PACS1: variants seen among roughly 807,000 people sequenced by gnomAD.
The protein encoded by PACS1 is PACS-1.
PACS1 carries 24 observed loss-of-function variants against 115.0 expected under a neutral mutation model. The ratio of observed to expected loss-of-function variants is 0.21; its 90% CI spans 0.15 to 0.29. PACS1 has a LOEUF of 0.29. Among genes scored for constraint, PACS1 ranks in the 10% least tolerant of loss-of-function variants. The pLI is 1.00. For synonymous variants in PACS1, 453 were observed against 504.5 expected, an observed-to-expected ratio of 0.90 and a Z score of 1.37; for missense variants, 838 against 1,251.2, an observed-to-expected ratio of 0.67 and a Z score of 4.98.
chr11:66,106,557 A>C (rs984555895), intron 1 of PACS1, among the ~76,000 whole-genome samples: 4 of 151,432 alleles, frequency 2.6e-5, no homozygotes, highest in Non-Finnish European at 5.9e-5. Context: ...ACAGAATGAG[A>C]CTCCATCTCA....
At chr11:66,108,387 A>C (rs1329815797) in intron 1 of PACS1, among the ~76,000 whole-genome samples, 1 of 152,086 alleles carries the variant, frequency 6.6e-6, no homozygotes. Flanking sequence ...TCCTTAGGGC[A>C]CTATCTCCAA....
At chr11:66,167,826 A>C (rs1859643221) in intron 1 of PACS1, among the ~76,000 whole-genome samples, 1 of 149,538 alleles carries the variant, frequency 6.7e-6, no homozygotes, top group South Asian at 2.1e-4. Context: ...ATTTCTGGGC[A>C]CTCTATTCTG....
intron 1 of PACS1, among the ~76,000 whole-genome samples, chr11:66,155,826 G>T (rs1172654490): frequency 6.6e-6 from 1 of 152,104 alleles, no homozygotes; most frequent in Non-Finnish European, 1.5e-5. Flanking sequence ...CAATCCGGGG[G>T]CTCATCAGGT....
intron 1 of PACS1, among the ~76,000 whole-genome samples, chr11:66,161,129 T>A (rs1398163504): frequency 2.0e-5 from 3 of 152,206 alleles, no homozygotes; most frequent in Non-Finnish European, 4.4e-5. Context: ...GTTGTTGTTA[T>A]TCTGTGTGTA....
intron 1 of PACS1, among the ~76,000 whole-genome samples, chr11:66,089,231 A>G (rs1342538460): frequency 3.9e-5 from 6 of 152,126 alleles, no homozygotes; most frequent in Non-Finnish European, 8.8e-5. Flanking sequence ...TGAATTCTCA[A>G]TCATTGTGAC....
intron 1 of PACS1, among the ~76,000 whole-genome samples, chr11:66,134,756 G>A (rs1194084985): frequency 2.0e-5 from 3 of 152,010 alleles, no homozygotes; most frequent in Non-Finnish European, 2.9e-5. Context: ...TGGTCACGGT[G>A]TCATCTTTTT....
chr11:66,079,567 A>G (rs1243352535), intron 1 of PACS1, among the ~76,000 whole-genome samples: 1 of 152,102 alleles, frequency 6.6e-6, no homozygotes, highest in Non-Finnish European at 1.5e-5. Flanking sequence ...AGTCCTTCCC[A>G]GAAAGTAACC....
chr11:66,230,462 G>A (rs2134734927), intron 11 of PACS1, 86 bp from the exon 12 acceptor site: 1 of 856,890 alleles, frequency 1.2e-6, no homozygotes, highest in Non-Finnish European at 2.0e-6. Flanking sequence ...CTTCAGGATG[G>A]TGATGGGGCC....
intron 11 of PACS1, among the ~76,000 whole-genome samples, chr11:66,228,557 A>G (rs781393937): frequency 6.6e-6 from 1 of 152,176 alleles, no homozygotes; most frequent in African/African-American, 2.4e-5. Flanking sequence ...TCAAAATTAA[A>G]TTCCAATTGT....
intron 1 of PACS1, among the ~76,000 whole-genome samples, chr11:66,101,823 G>A (rs753587843): frequency 2.6e-5 from 4 of 152,302 alleles, no homozygotes; most frequent in African/African-American, 9.6e-5. Context: ...GACGGTTACT[G>A]GGGGGAGAGC....
At chr11:66,134,549 G>A (rs1230626027) in intron 1 of PACS1, among the ~76,000 whole-genome samples, 1 of 146,602 alleles carries the variant, frequency 6.8e-6, no homozygotes. Context: ...AGATGGGTTT[G>A]TGTTTGTTTT....
At chr11:66,212,461 A>T (rs1221861205) in intron 4 of PACS1, among the ~76,000 whole-genome samples, 10 of 143,394 alleles carry the variant, frequency 7.0e-5, no homozygotes, top group Middle Eastern at 3.6e-3. Context: ...TTTAGAGACG[A>T]GGTCTTGCTC....
chr11:66,105,151 C>T (rs1214356033), intron 1 of PACS1, among the ~76,000 whole-genome samples: 4 of 152,058 alleles, frequency 2.6e-5, no homozygotes, highest in Non-Finnish European at 5.9e-5. Flanking sequence ...GGGCTGGGCA[C>T]GGTGGCTCAC....
chr11:66,213,743 C>A (rs1855133155), intron 4 of PACS1, among the ~76,000 whole-genome samples: 1 of 152,108 alleles, frequency 6.6e-6, no homozygotes, highest in African/African-American at 2.4e-5. Flanking sequence ...GGTAAGAAGT[C>A]AGGCTGTGGG....
At chr11:66,186,096 A>G (rs1854361781) in intron 1 of PACS1, among the ~76,000 whole-genome samples, 1 of 151,984 alleles carries the variant, frequency 6.6e-6, no homozygotes, top group South Asian at 2.1e-4. Flanking sequence ...ATGAGACCCC[A>G]TCGCTGCAAA....
At chr11:66,210,477 C>G (rs766103906) in intron 3 of PACS1, 26 bp downstream of exon 3, 7 of 1,481,172 alleles carry the variant, frequency 4.7e-6, no homozygotes, top group Non-Finnish European at 6.6e-6. Flanking sequence ...TCTTAGGCCC[C>G]TAACATGCTA....
chr11:66,159,845 G>A (rs1040925654), intron 1 of PACS1, among the ~76,000 whole-genome samples: 5 of 152,170 alleles, frequency 3.3e-5, no homozygotes, highest in African/African-American at 7.2e-5. Flanking sequence ...CTCATCCAGC[G>A]GGAGAGGGAG....
chr11:66,204,989 C>T (rs1565146139), intron 2 of PACS1, among the ~76,000 whole-genome samples: 1 of 146,468 alleles, frequency 6.8e-6, no homozygotes, highest in East Asian at 2.0e-4. Flanking sequence ...TTTTTAAAAA[C>T]TTTTTTTTTT....
At position 66,103,848 on chromosome 11, in the gene PACS1, G is replaced by T. The variant is rs79448183; in HGVS notation, c.356+33006G>T. ...TTTAAATATACAAAAATAGAGAAAG[G>T]TGTGTGATGAATCCCTGTGTACTCA... is the stretch of plus-strand genomic sequence containing the variant. On this transcript the variant is annotated intron_variant, in intron 1 of 23. Coordinates refer to ENST00000320580, the MANE Select transcript of PACS1 (RefSeq NM_018026.4). Among the ~76,000 whole-genome samples, 1,263 of 152,086 alleles carry T rather than the reference G, an allele frequency of 8.3e-3. 86 individuals are homozygous for T. The East Asian group carries it at 0.17, about 21-fold the overall frequency.
Sources: gnomAD v4.1 joint callset for allele counts (sites outside exome capture counted in the v4.1 genomes callset) on GRCh38, gnomAD v4.1.1 for gene constraint, MANE v1.5 for transcripts, NCBI Gene and HGNC (gene_info 2026-07-23, HGNC 2026-07-21) for gene names.